Variants in DYNC2H1 observed in about 807,000 individuals in gnomAD.
The protein encoded by DYNC2H1 is cytoplasmic dynein 2 heavy chain 1.
Under a neutral mutation model 570.0 loss-of-function variants are expected in DYNC2H1, and 410 were observed. The observed-to-expected ratio is 0.72, with a 90% CI of 0.66 to 0.78. DYNC2H1 has a LOEUF of 0.78. Ranked by LOEUF, DYNC2H1 falls within the 30% of genes least tolerant of loss-of-function variation. DYNC2H1 has a pLI of 0.00. For missense variants in DYNC2H1, 4,865 were observed against 5,046.4 expected (o/e 0.96, Z 1.09); for synonymous variants, 1,688 against 1,677.6 (o/e 1.01, Z -0.15).
intron 77 of DYNC2H1, among the ~76,000 whole-genome samples, chr11:103,306,770 C>G (rs978403753): frequency 6.6e-6 from 1 of 152,076 alleles, no homozygotes. Flanking sequence ...TTAGAGCTAT[C>G]AAAACTTCTT....
chr11:103,316,584 C>T lies in DYNC2H1; in HGVS notation c.11689C>T (p.Arg3897Trp), dbSNP rs371409785. 6.5e-5 allele frequency: 101 copies of T among 1,559,874 alleles called. No homozygotes were observed. The highest frequency in any genetic ancestry group is 3.1e-4 in the African/African-American group (23 of 73,152). ...KFYEFSLSDL[R>W]AGYNIIDRLF... ...TTATGAATTTTCTTTATCAGATCTTCGGGCTGGGTACAACATTATTGACAG... is the reference window on the plus strand; with the variant it reads ...TTATGAATTTTCTTTATCAGATCTTTGGGCTGGGTACAACATTATTGACAG... The change falls in exon 80 of 89, where the codon CGG (arginine) becomes TGG (tryptophan). Residue 3897 changes from arginine (R) to tryptophan (W), a missense_variant. By Grantham distance (101) the Arg-to-Trp change is moderately radical. Coordinates refer to ENST00000375735, the MANE Select transcript of DYNC2H1 (RefSeq NM_001377.3).
intron 65 of DYNC2H1, among the ~76,000 whole-genome samples, chr11:103,246,942 T>G (rs1864640064): frequency 6.6e-6 from 1 of 152,074 alleles, no homozygotes; most frequent in African/African-American, 2.4e-5. Context: ...ATCTTATTTA[T>G]TGATCGTAGA....
chr11:103,393,701 T>C (rs984595960), intron 83 of DYNC2H1, among the ~76,000 whole-genome samples: 2 of 152,148 alleles, frequency 1.3e-5, no homozygotes, highest in Non-Finnish European at 2.9e-5. Flanking sequence ...CCTGTATTAG[T>C]CCATTTCACG....
At chr11:103,220,075 G>A in intron 56 of DYNC2H1, 47 bp downstream of exon 56, 1 of 1,057,394 alleles carries the variant, frequency 9.5e-7, no homozygotes, top group Middle Eastern at 2.6e-4. Context: ...TTGCTTACCA[G>A]TTATATGTAG....
In DYNC2H1 at chr11:103,162,969, A is replaced by T. The variant is rs143596938; in HGVS notation, c.4492-59A>T. Reference sequence around the variant, plus strand: ...TGTATATTTATTTTATGTCTTATATATATTATTTTCCAGTTTATTTTATGT... The same window carrying T: ...TGTATATTTATTTTATGTCTTATATTTATTATTTTCCAGTTTATTTTATGT... On this transcript the variant is annotated intron_variant, in intron 29 of 88. Coordinates refer to ENST00000375735, the MANE Select transcript of DYNC2H1 (RefSeq NM_001377.3). 19 of 1,454,008 alleles carry T rather than the reference A, an allele frequency of 1.3e-5. No individual in the cohort carries two copies. The East Asian group carries it at 4.2e-4, about 32-fold the overall frequency. 90.1% of individuals were successfully genotyped at this position (1,454,008 alleles called of 1,614,324 possible).
In DYNC2H1 at chr11:103,252,261, T is replaced by C. The variant is rs118017583; in HGVS notation, c.10043-1024T>C. Among the ~76,000 whole-genome samples the C allele has an allele frequency of 0.023, 3,434 of 152,252 alleles. 55 individuals carry two copies. The highest frequency in any genetic ancestry group is 0.033 in the Non-Finnish European group (2,255 of 67,990). On this transcript the variant is annotated intron_variant, in intron 65 of 88. Transcript: ENST00000375735. The surrounding 1 kb of genome is among the most constrained non-coding windows in gnomAD (Gnocchi z 4.6). ...ACATTTTCTTTATCCGATCTGTTGA[T>C]GGACATTCAGGTTGTTTCCATGTCT...
chr11:103,359,402 G>C (rs558018971), intron 83 of DYNC2H1, among the ~76,000 whole-genome samples: 1 of 152,206 alleles, frequency 6.6e-6, no homozygotes, highest in South Asian at 2.1e-4. Context: ...ACTTGGATGT[G>C]TCATTTAGAC....
rs561763211 is a variant in DYNC2H1, at chr11:103,424,702, C to G, written c.12367-11241C>G. On this transcript the variant is annotated intron_variant, in intron 84 of 88. Transcript: ENST00000375735. ...GCTGGCAAATGTTTAAAAACTGGCTCTCCAAAAAAAAAAAAAAAGAGGAGG... is the reference window on the plus strand; with the variant it reads ...GCTGGCAAATGTTTAAAAACTGGCTGTCCAAAAAAAAAAAAAAAGAGGAGG... Among the ~76,000 whole-genome samples the G allele has an allele frequency of 6.9e-4, 60 of 86,724 alleles. 1 individual carries two copies. Among genetic ancestry groups the G allele is most frequent in the African/African-American group, 4.5e-3 (59 of 13,010 alleles). The allele number at this position is 86,724 out of a possible 152,430, so 56.9% of individuals were successfully genotyped here.
intron 54 of DYNC2H1, among the ~76,000 whole-genome samples, chr11:103,213,241 T>C (rs118019999): frequency 0.017 from 2,597 of 152,142 alleles, 35 homozygotes; most frequent in Non-Finnish European, 0.026. Flanking sequence ...AAATGAATAT[T>C]AGACAGACAA....
At chr11:103,288,304 G>T (rs987520886) in intron 75 of DYNC2H1, among the ~76,000 whole-genome samples, 1 of 151,986 alleles carries the variant, frequency 6.6e-6, no homozygotes, top group Non-Finnish European at 1.5e-5. Context: ...AACCACCTTT[G>T]CAAAAATTAA....
intron 82 of DYNC2H1, among the ~76,000 whole-genome samples, chr11:103,332,312 G>GA (rs71962098): frequency 0.22 from 27,214 of 122,092 alleles, 3,054 homozygotes; most frequent in African/African-American, 0.29. Flanking sequence ...AAAAAACTGG[G>GA]AAAAAAAAAA....
chr11:103,325,893 G>C lies in DYNC2H1; in HGVS notation c.12039+1903G>C, dbSNP rs1039775056. 6.6e-6 allele frequency among the ~76,000 whole-genome samples: 1 copy of C among 152,138 alleles called. No homozygotes were observed. Among genetic ancestry groups the C allele is most frequent in the Non-Finnish European group, 1.5e-5 (1 of 68,036 alleles). ...GGATGGGCGTATAGTGGGCTCCTTT[G>C]AAGGTAAGGGGACACTGGCTTTTTG... On this transcript the variant is annotated intron_variant, in intron 82 of 88. Transcript: ENST00000375735. The surrounding 1 kb of genome is among the most constrained non-coding windows in gnomAD (Gnocchi z 4.8).
At position 103,299,134 on chromosome 11, in the gene DYNC2H1, A is replaced by G. The variant is rs1393817153; in HGVS notation, c.11096-3959A>G. Among the ~76,000 whole-genome samples the G allele has an allele frequency of 2.7e-5, 4 of 146,864 alleles. No individual in the cohort carries two copies. Among genetic ancestry groups the G allele is most frequent in the Non-Finnish European group, 4.5e-5 (3 of 66,646 alleles). On this transcript the variant is annotated intron_variant, in intron 75 of 88. Coordinates refer to ENST00000375735, the MANE Select transcript of DYNC2H1 (RefSeq NM_001377.3). This position sits in a 1 kb window ranked among gnomAD's most constrained non-coding sequence, Gnocchi z 4.5. ...ACATGTCCCCATACGGTGCTACAATAACTACAGTAACCAGAAATTTTTAAA... is the reference window on the plus strand; with the variant it reads ...ACATGTCCCCATACGGTGCTACAATGACTACAGTAACCAGAAATTTTTAAA...
rs1565329489 is a variant in DYNC2H1, at chr11:103,135,963, A to G, written c.2574+15A>G. On this transcript the variant is annotated intron_variant, in intron 17 of 88. Transcript: ENST00000375735. ...ACCAACATAAGGTATAGAACATGTAATGTTCCATCCTTCCATCATAAAATT... is the reference window on the plus strand; with the variant it reads ...ACCAACATAAGGTATAGAACATGTAGTGTTCCATCCTTCCATCATAAAATT... 3 of 1,534,094 alleles carry G rather than the reference A, an allele frequency of 2.0e-6. No individual in the cohort carries two copies. The highest frequency in any genetic ancestry group is 1.4e-5 in the African/African-American group (1 of 72,614).
At position 103,170,769 on chromosome 11, in the gene DYNC2H1, A is replaced by G. The variant is rs1418333693; in HGVS notation, c.5152-117A>G. 3.0e-6 allele frequency: 3 copies of G among 1,006,462 alleles called. No homozygotes were observed. The highest frequency in any genetic ancestry group is 4.0e-6 in the Non-Finnish European group (3 of 758,320). 62.3% of individuals were successfully genotyped at this position (1,006,462 alleles called of 1,614,324 possible). A position where few individuals can be genotyped will look rare whatever the true frequency, so the allele number is the denominator to read the frequency against. On this transcript the variant is annotated intron_variant, in intron 33 of 88. Transcript: ENST00000375735. This position sits in a 1 kb window ranked among gnomAD's most constrained non-coding sequence, Gnocchi z 4.8. ...ACTTAATCCGTATTTTAAAATGAGC[A>G]AAAGAGGCATAGATGGGATAAATTA...
Position 103,186,689 on chromosome 11 carries a change from T to C in DYNC2H1, c.6893+188T>C, listed in dbSNP as rs1862084177. On this transcript the variant is annotated intron_variant, in intron 42 of 88. Transcript: ENST00000375735. The surrounding 1 kb of genome is among the most constrained non-coding windows in gnomAD (Gnocchi z 4.5). The stretch of plus-strand genomic sequence containing the variant: ...TAGTGTGTCCTTTTCTTTTCCAGGT[T>C]GTGTGATTTCTACTGGAAAGACAGC... 6.6e-6 allele frequency among the ~76,000 whole-genome samples: 1 copy of C among 151,648 alleles called. No individual in the cohort carries two copies. The highest frequency in any genetic ancestry group is 6.6e-5 in the Admixed American group (1 of 15,182).
chr11:103,167,935 T>G lies in DYNC2H1; in HGVS notation c.4763-820T>G, dbSNP rs77193225. Among the ~76,000 whole-genome samples the G allele has an allele frequency of 5.3e-4, 80 of 152,270 alleles. No individual in the cohort carries two copies. In the East Asian group the frequency reaches 0.014, roughly 27 times the overall value. On this transcript the variant is annotated intron_variant, in intron 31 of 88. Coordinates refer to ENST00000375735, the MANE Select transcript of DYNC2H1 (RefSeq NM_001377.3). ...CCAATTCCAGTCTTTGGTTTCTGAT[T>G]AGAATGAGATCTATTCATGCACCAC...
chr11:103,437,891 A>G (rs1417147611), intron 85 of DYNC2H1, among the ~76,000 whole-genome samples: 2 of 152,102 alleles, frequency 1.3e-5, no homozygotes, highest in African/African-American at 4.8e-5. Context: ...CAGTGGTACT[A>G]TAATTAATAC....
rs1420891513 is a variant in DYNC2H1, at chr11:103,120,917, T to C, written c.1249-8T>C. On this transcript the variant is annotated splice_region_variant and splice_polypyrimidine_tract_variant and intron_variant, in intron 8 of 88. Transcript: ENST00000375735. ...GGATGAACATGTACTTATTTTATTTTATATTAGCTTCTTCAAGCATTCCTG... is the reference window on the plus strand; with the variant it reads ...GGATGAACATGTACTTATTTTATTTCATATTAGCTTCTTCAAGCATTCCTG... 4.2e-6 allele frequency: 6 copies of C among 1,437,220 alleles called. No homozygotes were observed. The African/African-American group carries it at 8.8e-5, about 21-fold the overall frequency. The allele number at this position is 1,437,220 out of a possible 1,614,324, so 89.0% of individuals were successfully genotyped here.
Sources: allele counts gnomAD v4.1 joint callset (sites outside exome capture counted in the v4.1 genomes callset), GRCh38; gene constraint gnomAD v4.1.1; non-coding constraint Gnocchi (gnomAD v3.1); transcripts MANE v1.5; gene names NCBI Gene and HGNC (gene_info 2026-07-23, HGNC 2026-07-21).